ATRNL1: variants seen among roughly 807,000 people sequenced by gnomAD.
The protein encoded by ATRNL1 is attractin like 1.
In ATRNL1, 95 loss-of-function variants were observed where a neutral mutation model predicts 182.7. The observed-to-expected ratio is 0.52, with a 90% CI of 0.44 to 0.62. The LOEUF (loss-of-function observed/expected upper bound fraction) is 0.62. ATRNL1 is among the 20% of genes least tolerant of loss of function. ATRNL1 has a pLI of 0.00. For synonymous variants in ATRNL1, 576 were observed against 568.3 expected (o/e 1.01, Z -0.19); for missense variants, 1,471 against 1,679.5 (o/e 0.88, Z 2.17).
At chr10:115,790,336 G>C (rs1555081467) in intron 27 of ATRNL1, among the ~76,000 whole-genome samples, 1 of 151,850 alleles carries the variant, frequency 6.6e-6, no homozygotes, top group African/African-American at 2.4e-5. Flanking sequence ...TCCACCCACA[G>C]TTTCTGTTCC....
chr10:115,406,323 T>G (rs892924758), intron 20 of ATRNL1, among the ~76,000 whole-genome samples: 2 of 152,164 alleles, frequency 1.3e-5, no homozygotes, highest in Non-Finnish European at 2.9e-5. Flanking sequence ...TTGTTTTTCC[T>G]TTTTCACCAT....
rs180684903 is a variant in ATRNL1 at position 115,722,130 on chromosome 10, A to G, written c.3796-5118A>G. Among the ~76,000 whole-genome samples, 39 of 152,344 alleles carry G rather than the reference A, an allele frequency of 2.6e-4. No individual in the cohort carries two copies. In the East Asian group the frequency reaches 7.3e-3, roughly 29 times the overall value. ...CAAAGAAATTTCAAAAATCATTGGA[A>G]ATGAATATTATCAGCCAACTCAGTG... On this transcript the variant is annotated intron_variant, in intron 26 of 28. Coordinates refer to ENST00000355044, the MANE Select transcript of ATRNL1 (RefSeq NM_207303.4).
chr10:115,302,283 C>T (rs2291669), intron 17 of ATRNL1, among the ~76,000 whole-genome samples: 47,302 of 151,958 alleles, frequency 0.31, 8,559 homozygotes, highest in Middle Eastern at 0.44. Context: ...AGCCTCTTTT[C>T]CCTGAACTGT....
At chr10:115,773,602 T>A (rs1311902816) in intron 27 of ATRNL1, among the ~76,000 whole-genome samples, 5 of 152,144 alleles carry the variant, frequency 3.3e-5, no homozygotes, top group African/African-American at 1.2e-4. Flanking sequence ...TTAAACAAAT[T>A]ATTAAGAATT....
chr10:115,860,657 A>G (rs1951294896), intron 28 of ATRNL1, among the ~76,000 whole-genome samples: 1 of 152,228 alleles, frequency 6.6e-6, no homozygotes, highest in Non-Finnish European at 1.5e-5. Context: ...GCATGCAGCC[A>G]CAGCTGGTGA....
intron 7 of ATRNL1, among the ~76,000 whole-genome samples, chr10:115,167,733 A>C: frequency 6.6e-6 from 1 of 152,126 alleles, no homozygotes; most frequent in Non-Finnish European, 1.5e-5. Context: ...TCTATGTATG[A>C]AAACATATAC....
chr10:115,821,040 A>G lies in ATRNL1; in HGVS notation c.3904-26837A>G, dbSNP rs147128209. ...TATGCACTTTCTCAAGCCTGCTGCC[A>G]TGTAATACATGCCTTTGCCTCTCTC... is the stretch of plus-strand genomic sequence containing the variant. On this transcript the variant is annotated intron_variant, in intron 27 of 28. Transcript: ENST00000355044. Among the ~76,000 whole-genome samples the G allele has an allele frequency of 2.8e-4, 42 of 152,186 alleles. No homozygotes were observed. The East Asian group carries it at 7.8e-3, about 28-fold the overall frequency.
intron 9 of ATRNL1, chr10:115,220,597 A>T (rs1057396672): frequency 6.6e-6 from 1 of 151,880 alleles, no homozygotes; most frequent in Non-Finnish European, 1.5e-5. Flanking sequence ...TTTTCAAAGA[A>T]GCTCTCCAGT....
chr10:115,777,045 C>G (rs182399022), intron 27 of ATRNL1, among the ~76,000 whole-genome samples: 1 of 152,132 alleles, frequency 6.6e-6, no homozygotes, highest in East Asian at 1.9e-4. Flanking sequence ...TTTGAAATGT[C>G]TCAAAAGAAA....
intron 28 of ATRNL1, among the ~76,000 whole-genome samples, chr10:115,858,233 C>G (rs1160224606): frequency 6.6e-6 from 1 of 152,174 alleles, no homozygotes; most frequent in Non-Finnish European, 1.5e-5. Context: ...TATAAAGATA[C>G]ATGCACGCAT....
intron 26 of ATRNL1, among the ~76,000 whole-genome samples, chr10:115,632,956 G>C (rs559235821): frequency 6.8e-6 from 1 of 147,256 alleles, no homozygotes; most frequent in Non-Finnish European, 1.5e-5. Flanking sequence ...GCAGTGGTGC[G>C]ATCCTAGCTC....
intron 28 of ATRNL1, among the ~76,000 whole-genome samples, chr10:115,907,733 A>T (rs1057111530): frequency 2.0e-5 from 3 of 151,884 alleles, no homozygotes; most frequent in African/African-American, 4.8e-5. Context: ...ATAAAATTAT[A>T]AAAAAATTTT....
At chr10:115,147,566 G>A (rs1358156371) in intron 5 of ATRNL1, among the ~76,000 whole-genome samples, 1 of 151,828 alleles carries the variant, frequency 6.6e-6, no homozygotes, top group Non-Finnish European at 1.5e-5. Context: ...AAAGCATTTT[G>A]CCTATGTTTT....
intron 26 of ATRNL1, among the ~76,000 whole-genome samples, chr10:115,640,619 G>A (rs2420094): frequency 0.29 from 43,759 of 151,928 alleles, 7,183 homozygotes; most frequent in East Asian, 0.58. Flanking sequence ...CTTTTTGATG[G>A]GGTTGTATTT....
chr10:115,668,783 C>T (rs1399111610), intron 26 of ATRNL1, among the ~76,000 whole-genome samples: 1 of 152,102 alleles, frequency 6.6e-6, no homozygotes, highest in Non-Finnish European at 1.5e-5. Flanking sequence ...GAATTCACTA[C>T]TTTTACTACT....
chr10:115,821,596 T>G (rs1950299912), intron 27 of ATRNL1, among the ~76,000 whole-genome samples: 1 of 152,082 alleles, frequency 6.6e-6, no homozygotes, highest in Non-Finnish European at 1.5e-5. Flanking sequence ...GAGGAAGATT[T>G]ACCAAGTTGG....
intron 20 of ATRNL1, among the ~76,000 whole-genome samples, chr10:115,404,068 C>T (rs1256747056): frequency 6.6e-6 from 1 of 152,140 alleles, no homozygotes; most frequent in Non-Finnish European, 1.5e-5. Flanking sequence ...GGTAACAAGT[C>T]TAACTTGAGC....
At chr10:115,373,233 T>C (rs1554948571) in intron 19 of ATRNL1, among the ~76,000 whole-genome samples, 1 of 152,158 alleles carries the variant, frequency 6.6e-6, no homozygotes. Flanking sequence ...GGAACATTCA[T>C]GAATTTGTTT....
At chr10:115,425,438 C>A (rs551993748) in intron 20 of ATRNL1, among the ~76,000 whole-genome samples, 1 of 151,752 alleles carries the variant, frequency 6.6e-6, no homozygotes, top group African/African-American at 2.4e-5. Context: ...TTTTGGAGGA[C>A]GTTCCAAGAA....
Sources: allele counts gnomAD v4.1 joint callset (sites outside exome capture counted in the v4.1 genomes callset), GRCh38; gene constraint gnomAD v4.1.1; transcripts MANE v1.5; gene names NCBI Gene and HGNC (gene_info 2026-07-23, HGNC 2026-07-21).